LEKR1: variants seen among roughly 807,000 people sequenced by gnomAD.
The protein encoded by LEKR1 is leucine, glutamate and lysine rich 1, also known as protein LEKR1.
In LEKR1, 59 loss-of-function variants were observed where a neutral mutation model predicts 72.4. The ratio of observed to expected loss-of-function variants is 0.82; its 90% CI spans 0.66 to 1.01. LEKR1 has a LOEUF of 1.01. LEKR1 is among the 50% of genes least tolerant of loss of function. LEKR1 has a pLI of 0.00. For missense variants in LEKR1, 728 were observed against 759.2 expected (o/e 0.96, Z 0.48); for synonymous variants, 257 against 263.2 (o/e 0.98, Z 0.23).
At chr3:156,918,457 G>C (rs1723868147) in intron 3 of LEKR1, among the ~76,000 whole-genome samples, 1 of 152,074 alleles carries the variant, frequency 6.6e-6, no homozygotes, top group South Asian at 2.1e-4. Context: ...GCCTGGAATG[G>C]GAATGTAATG....
Position 157,045,992 on chromosome 3 carries a change from T to C in LEKR1, c.*242T>C. The C allele has an allele frequency of 2.2e-6, 1 of 456,922 alleles. No individual in the cohort carries two copies. The highest frequency in any genetic ancestry group is 3.9e-6 in the Non-Finnish European group (1 of 258,996). 28.3% of individuals were successfully genotyped at this position (456,922 alleles called of 1,614,324 possible). Reference sequence around the variant, plus strand: ...TGGTATTCCAGAGGTCCGATTTCTATGTTTATGTTGGAATGTGCTCTATGA... The same window carrying C: ...TGGTATTCCAGAGGTCCGATTTCTACGTTTATGTTGGAATGTGCTCTATGA... On this transcript the variant is annotated 3_prime_UTR_variant, in exon 13 of 13. Coordinates refer to ENST00000356539, the MANE Select transcript of LEKR1 (RefSeq NM_001004316.3).
At chr3:156,882,555 G>A (rs1359956552) in intron 3 of LEKR1, among the ~76,000 whole-genome samples, 1 of 152,172 alleles carries the variant, frequency 6.6e-6, no homozygotes, top group Non-Finnish European at 1.5e-5. Context: ...CTGTTGGTGG[G>A]AGTGTAAACT....
intron 10 of LEKR1, among the ~76,000 whole-genome samples, chr3:157,022,607 A>C (rs1173745605): frequency 2.0e-5 from 3 of 152,198 alleles, no homozygotes; most frequent in Non-Finnish European, 4.4e-5. Flanking sequence ...TCCTGAAATA[A>C]GAGGGAGAAA....
chr3:157,016,523 C>T (rs1005322797), intron 10 of LEKR1, among the ~76,000 whole-genome samples: 2 of 151,902 alleles, frequency 1.3e-5, no homozygotes, highest in African/African-American at 4.8e-5. Flanking sequence ...ATGAAGACTT[C>T]TTCAGAAAGC....
At chr3:156,887,250 C>A (rs1244212358) in intron 3 of LEKR1, among the ~76,000 whole-genome samples, 2 of 150,900 alleles carry the variant, frequency 1.3e-5, no homozygotes, top group Admixed American at 6.6e-5. Context: ...AACAGTTGCT[C>A]CTCCCAATTT....
At chr3:156,838,306 C>G (rs1018825426) in intron 2 of LEKR1, among the ~76,000 whole-genome samples, 6 of 152,236 alleles carry the variant, frequency 3.9e-5, no homozygotes, top group Non-Finnish European at 8.8e-5. Flanking sequence ...ATCAGCAATT[C>G]TTTCAGGGAA....
chr3:156,976,059 A>G (rs9289974), intron 6 of LEKR1, among the ~76,000 whole-genome samples: 6,245 of 152,172 alleles, frequency 0.041, 463 homozygotes, highest in African/African-American at 0.14. Context: ...GCTTATCCTA[A>G]TGGTGTTTCT....
intron 3 of LEKR1, among the ~76,000 whole-genome samples, chr3:156,880,132 C>G (rs1719110720): frequency 6.6e-6 from 1 of 152,190 alleles, no homozygotes; most frequent in South Asian, 2.1e-4. Flanking sequence ...GCACTGTGCA[C>G]TTGAAAAGGC....
chr3:157,045,290 G>A lies in LEKR1; in HGVS notation c.1669-50G>A, dbSNP rs959119666. 3 of 1,463,462 alleles carry A rather than the reference G, an allele frequency of 2.0e-6. No homozygotes were observed. In the African/African-American group the frequency reaches 4.2e-5, roughly 21 times the overall value. 90.7% of individuals were successfully genotyped at this position (1,463,462 alleles called of 1,614,324 possible). A position where few individuals can be genotyped will look rare whatever the true frequency, so the allele number is the denominator to read the frequency against. ...GTATTGTCCGTAACTATCTACTTAT[G>A]TACATTGTTTAAAGCTAAGTCTGCT... On this transcript the variant is annotated intron_variant, in intron 12 of 12. Transcript: ENST00000356539.
At chr3:156,827,300 G>A (rs949909640) in intron 1 of LEKR1, among the ~76,000 whole-genome samples, 7 of 152,148 alleles carry the variant, frequency 4.6e-5, no homozygotes, top group African/African-American at 1.4e-4. Flanking sequence ...CATCAAGGAA[G>A]ATAGGGCCCC....
chr3:156,870,029 A>C (rs1717745518), intron 3 of LEKR1, among the ~76,000 whole-genome samples: 2 of 151,712 alleles, frequency 1.3e-5, no homozygotes, highest in African/African-American at 4.8e-5. Context: ...ATGTCAGTTT[A>C]TTTCTGGATT....
At chr3:156,965,218 C>T (rs1304889388) in intron 6 of LEKR1, among the ~76,000 whole-genome samples, 4 of 152,072 alleles carry the variant, frequency 2.6e-5, no homozygotes, top group Non-Finnish European at 4.4e-5. Flanking sequence ...ATGGTAAACA[C>T]ACATATACAC....
chr3:157,011,375 G>A (rs775076059), intron 9 of LEKR1, 38 bp from the exon 10 acceptor site: 2 of 1,335,476 alleles, frequency 1.5e-6, no homozygotes, highest in Non-Finnish European at 2.2e-6. Context: ...TGTGTTAGGG[G>A]TAAGTATTGA....
At chr3:157,016,257 A>G (rs890336468) in intron 10 of LEKR1, among the ~76,000 whole-genome samples, 1 of 152,126 alleles carries the variant, frequency 6.6e-6, no homozygotes, top group Non-Finnish European at 1.5e-5. Flanking sequence ...GGCACAACAA[A>G]CCCAAGTTCA....
rs1306664541 is a variant in LEKR1 at position 156,966,134 on chromosome 3, AAT to A, written c.746-13058_746-13057del. Among the ~76,000 whole-genome samples the A allele has an allele frequency of 5.3e-5, 8 of 152,252 alleles. No individual in the cohort carries two copies. In the South Asian group the frequency reaches 1.7e-3, roughly 32 times the overall value. Reference sequence around the variant, plus strand: ...ATAAAACAGATAAATAAATAAAATAAATAGTGATGGGGGTGGAGCCAAGATGG... The same window carrying A: ...ATAAAACAGATAAATAAATAAAATAAAGTGATGGGGGTGGAGCCAAGATGG... On this transcript the variant is annotated intron_variant, in intron 6 of 12. Coordinates refer to ENST00000356539, the MANE Select transcript of LEKR1 (RefSeq NM_001004316.3).
chr3:156,874,163 G>T (rs1718295154), intron 3 of LEKR1, among the ~76,000 whole-genome samples: 1 of 151,746 alleles, frequency 6.6e-6, no homozygotes, highest in East Asian at 1.9e-4. Flanking sequence ...AATATATTTT[G>T]CATTTCATTC....
chr3:156,987,849 C>T (rs1445549023), intron 7 of LEKR1, among the ~76,000 whole-genome samples: 1 of 152,078 alleles, frequency 6.6e-6, no homozygotes, highest in Non-Finnish European at 1.5e-5. Context: ...AGTAGGCCAT[C>T]ACACAATTTA....
At chr3:156,837,912 A>G (rs1226669296) in intron 2 of LEKR1, among the ~76,000 whole-genome samples, 1 of 152,212 alleles carries the variant, frequency 6.6e-6, no homozygotes. Flanking sequence ...ATGCTGCATT[A>G]CAAAAGAAAA....
At chr3:156,831,141 T>C (rs1712337797) in intron 2 of LEKR1, among the ~76,000 whole-genome samples, 1 of 152,054 alleles carries the variant, frequency 6.6e-6, no homozygotes, top group Admixed American at 6.5e-5. Flanking sequence ...TGCTGATTGA[T>C]TGGGGATGCA....
Sources: allele counts gnomAD v4.1 joint callset (sites outside exome capture counted in the v4.1 genomes callset), GRCh38; gene constraint gnomAD v4.1.1; transcripts MANE v1.5; gene names NCBI Gene and HGNC (gene_info 2026-07-23, HGNC 2026-07-21).